The following OXCT1 variants were observed in gnomAD, a reference collection of about 807,000 sequenced individuals.
OXCT1 encodes the protein succinyl-CoA:3-ketoacid coenzyme A transferase 1, mitochondrial.
In OXCT1, 27 loss-of-function variants were observed where a neutral mutation model predicts 69.6. That is an observed-to-expected ratio of 0.39 (90% CI 0.29 to 0.54). OXCT1 has a LOEUF of 0.54. Among genes scored for constraint, OXCT1 ranks in the 20% least tolerant of loss-of-function variants. The pLI is 0.72. For missense variants in OXCT1, 437 were observed against 650.2 expected (o/e 0.67, Z 3.57); for synonymous variants, 202 against 217.8 (o/e 0.93, Z 0.64).
intron 7 of OXCT1, among the ~76,000 whole-genome samples, chr5:41,817,641 C>G (rs1747316050): frequency 6.6e-6 from 1 of 152,182 alleles, no homozygotes; most frequent in Admixed American, 6.5e-5. Context: ...CCATCCTTTC[C>G]TGACCAAACA....
rs759216807 is a variant in OXCT1, at chr5:41,862,662, C to G, written c.167G>C (p.Gly56Ala). The change falls in exon 2 of 17, where the codon GGT becomes GCT. Residue 56 changes from glycine (G) to alanine (A), a missense_variant. This residue lies in a region of OXCT1 where 252 missense variants were observed against 397.4 expected (regional missense o/e 0.63). Coordinates refer to ENST00000196371, the MANE Select transcript of OXCT1 (RefSeq NM_000436.4). ...PVEAVKDIPD[G>A]ATVLVGGFGL... ...CTCACCACCAACCAAAACCGTGGCA[C>G]CATCAGGGATGTCTTTTACAGCTTC... 4 of 1,609,488 alleles carry G rather than the reference C, an allele frequency of 2.5e-6. No homozygotes were observed. Among genetic ancestry groups the G allele is most frequent in the South Asian group, 2.2e-5 (2 of 91,002 alleles).
Position 41,730,298 on chromosome 5 carries a change from G to A in OXCT1, c.*1431C>T, listed in dbSNP as rs1742551598. 6.6e-6 allele frequency: 1 copy of A among 152,130 alleles called. No individual in the cohort carries two copies. Among genetic ancestry groups the A allele is most frequent in the Non-Finnish European group, 1.5e-5 (1 of 68,026 alleles). 9.4% of individuals were successfully genotyped at this position (152,130 alleles called of 1,614,324 possible). On this transcript the variant is annotated 3_prime_UTR_variant, in exon 17 of 17. Coordinates refer to ENST00000196371, the MANE Select transcript of OXCT1 (RefSeq NM_000436.4). Reference sequence around the variant, plus strand: ...GGGTCATTTTTTCCCCCCAGTACTGGGAAGGTATGCATTTAACCATGTGGT... The same window carrying A: ...GGGTCATTTTTTCCCCCCAGTACTGAGAAGGTATGCATTTAACCATGTGGT...
chr5:41,839,758 G>A (rs577720879), intron 7 of OXCT1, among the ~76,000 whole-genome samples: 4 of 152,170 alleles, frequency 2.6e-5, no homozygotes, highest in African/African-American at 9.6e-5. Context: ...ATCCCAATAG[G>A]GGTCCTATAA....
At chr5:41,774,913 A>G (rs1402035045) in intron 13 of OXCT1, among the ~76,000 whole-genome samples, 1 of 152,088 alleles carries the variant, frequency 6.6e-6, no homozygotes, top group Non-Finnish European at 1.5e-5. Flanking sequence ...AAATAAATAA[A>G]TAAGTGAATA....
chr5:41,746,554 C>T (rs1456676024), intron 15 of OXCT1, among the ~76,000 whole-genome samples: 5 of 152,076 alleles, frequency 3.3e-5, no homozygotes, highest in South Asian at 2.1e-4. Flanking sequence ...CTTTCTTTAA[C>T]GTACCAAAAG....
intron 1 of OXCT1, 23 bp from the exon 2 acceptor site, chr5:41,862,773 T>A (rs977862893): frequency 7.5e-5 from 94 of 1,251,204 alleles, no homozygotes; most frequent in Non-Finnish European, 9.8e-5. Context: ...AAAAAAAAAA[T>A]TGATAATCAT....
intron 16 of OXCT1, among the ~76,000 whole-genome samples, chr5:41,736,025 C>A (rs925376130): frequency 6.6e-6 from 1 of 152,214 alleles, no homozygotes; most frequent in Non-Finnish European, 1.5e-5. Context: ...TGTGGCTGTA[C>A]ACCTAGGCCA....
intron 2 of OXCT1, among the ~76,000 whole-genome samples, chr5:41,861,731 AC>A (rs1275953598): frequency 6.6e-6 from 1 of 152,148 alleles, no homozygotes; most frequent in African/African-American, 2.4e-5. Context: ...TTTTTCTACA[AC>A]TTTTTCAAGA....
intron 14 of OXCT1, among the ~76,000 whole-genome samples, chr5:41,757,054 T>G (rs1478996110): frequency 6.6e-6 from 1 of 152,032 alleles, no homozygotes; most frequent in Admixed American, 6.6e-5. Flanking sequence ...CTAAGTGAGA[T>G]GGGAAGTCAT....
chr5:41,744,275 T>C (rs1236929578), intron 15 of OXCT1, among the ~76,000 whole-genome samples: 2 of 152,182 alleles, frequency 1.3e-5, no homozygotes, highest in Non-Finnish European at 2.9e-5. Flanking sequence ...TGTTTGTTAT[T>C]GGTGTATAAG....
At chr5:41,841,820 TAAAGA>T (rs72181304) in intron 6 of OXCT1, among the ~76,000 whole-genome samples, 27,551 of 151,986 alleles carry the variant, frequency 0.18, 2,662 homozygotes, top group Middle Eastern at 0.27. Flanking sequence ...CTGGCTAAAT[TAAAGA>T]AATCAAAGAG....
At position 41,862,723 on chromosome 5, in the gene OXCT1, CACTGGTGGAAAAGGAACAA is replaced by C. The variant is rs1279894870; in HGVS notation, c.87_105del (p.Cys30LeufsTer12). On this transcript the variant is annotated frameshift_variant, in exon 2 of 17. Coordinates refer to ENST00000196371, the MANE Select transcript of OXCT1 (RefSeq NM_000436.4). LOFTEE classifies it high-confidence loss of function. ...GTATAAAACTTGGTATGGCGATGAG[CACTGGTGGAAAAGGAACAA>C]ACACATCCCTGAAATATTAAAAAAA... 6 of 1,610,510 alleles carry C rather than the reference CACTGGTGGAAAAGGAACAA, an allele frequency of 3.7e-6. No homozygotes were observed. The highest frequency in any genetic ancestry group is 5.1e-6 in the Non-Finnish European group (6 of 1,177,736).
chr5:41,784,123 T>G (rs557044242), intron 13 of OXCT1, among the ~76,000 whole-genome samples: 56 of 152,344 alleles, frequency 3.7e-4, no homozygotes, highest in South Asian at 2.1e-3. Flanking sequence ...AATTCTGATA[T>G]TTCTCCAATT....
intron 15 of OXCT1, among the ~76,000 whole-genome samples, chr5:41,745,577 C>T (rs902911961): frequency 6.6e-6 from 1 of 151,960 alleles, no homozygotes; most frequent in Admixed American, 6.6e-5. Context: ...GAAATAGACA[C>T]AAAAAACCCT....
chr5:41,754,412 G>A (rs1028939480), intron 14 of OXCT1, among the ~76,000 whole-genome samples: 3 of 152,006 alleles, frequency 2.0e-5, no homozygotes, highest in Non-Finnish European at 4.4e-5. Flanking sequence ...AACTGATGTA[G>A]CTGGATTATT....
chr5:41,822,426 T>C (rs957572025), intron 7 of OXCT1, among the ~76,000 whole-genome samples: 9 of 152,182 alleles, frequency 5.9e-5, no homozygotes, highest in African/African-American at 2.2e-4. Flanking sequence ...CCCTAATAAT[T>C]TTCCTTGCTC....
At chr5:41,838,165 C>G (rs1391903842) in intron 7 of OXCT1, among the ~76,000 whole-genome samples, 1 of 152,072 alleles carries the variant, frequency 6.6e-6, no homozygotes, top group African/African-American at 2.4e-5. Flanking sequence ...TGGAGGCCAG[C>G]GCAGGTAACG....
intron 5 of OXCT1, among the ~76,000 whole-genome samples, chr5:41,848,768 T>G (rs1257025857): frequency 6.6e-6 from 1 of 152,012 alleles, no homozygotes; most frequent in Non-Finnish European, 1.5e-5. Flanking sequence ...CCTTACACCT[T>G]ATACAAAAAT....
chr5:41,848,465 C>T (rs961568953), intron 5 of OXCT1, among the ~76,000 whole-genome samples: 23 of 146,326 alleles, frequency 1.6e-4, no homozygotes, highest in African/African-American at 4.7e-4. Flanking sequence ...AAAAAGAGCC[C>T]GCATCGCCAA....
Sources: allele counts gnomAD v4.1 joint callset (sites outside exome capture counted in the v4.1 genomes callset), GRCh38; gene constraint gnomAD v4.1.1; regional missense constraint gnomAD v4.1.1; transcripts MANE v1.5; gene names NCBI Gene and HGNC (gene_info 2026-07-23, HGNC 2026-07-21).